Variants in AK9 observed in about 807,000 individuals in gnomAD.
AK9 encodes adenylate kinase domain containing 1.
In AK9, 191 loss-of-function variants were observed where a neutral mutation model predicts 239.6. The ratio of observed to expected loss-of-function variants is 0.80; its 90% CI spans 0.71 to 0.90. AK9 has a LOEUF of 0.90. AK9 is among the 40% of genes least tolerant of loss of function. The probability of loss-of-function intolerance (pLI) is 0.00; values close to 1 mark genes in which losing one functional copy is unlikely to be tolerated. For synonymous variants in AK9, 689 were observed against 721.0 expected (o/e 0.96, Z 0.71); for missense variants, 1,995 against 2,214.7 (o/e 0.90, Z 1.99).
At chr6:109,646,719 A>C (rs539930760) in intron 8 of AK9, among the ~76,000 whole-genome samples, 1 of 152,282 alleles carries the variant, frequency 6.6e-6, no homozygotes, top group East Asian at 1.9e-4. Context: ...CCAACATTCA[A>C]ATTCAGGAAA....
At chr6:109,505,305 C>T (rs7766769) in intron 35 of AK9, among the ~76,000 whole-genome samples, 4,426 of 152,252 alleles carry the variant, frequency 0.029, 201 homozygotes, top group African/African-American at 0.1. Flanking sequence ...TGAAGTTAAA[C>T]ACAATCATTA....
chr6:109,587,177 C>A (rs1789612436), intron 17 of AK9, among the ~76,000 whole-genome samples: 1 of 151,974 alleles, frequency 6.6e-6, no homozygotes, highest in African/African-American at 2.4e-5. Flanking sequence ...AAATGTTTAA[C>A]ATAAGAGAAT....
At chr6:109,579,940 A>T (rs1173112357) in intron 19 of AK9, among the ~76,000 whole-genome samples, 3 of 152,208 alleles carry the variant, frequency 2.0e-5, no homozygotes, top group African/African-American at 7.2e-5. Flanking sequence ...CTCTGATTTA[A>T]TGGTAAATGT....
At chr6:109,564,711 G>T in intron 22 of AK9, 45 bp downstream of exon 22, 1 of 1,422,930 alleles carries the variant, frequency 7.0e-7, no homozygotes, top group Non-Finnish European at 9.5e-7. Context: ...AAGAAAATAT[G>T]AAAAGTACTT....
Position 109,563,633 on chromosome 6 carries a change from C to T in AK9, c.2715G>A (p.Glu905=), listed in dbSNP as rs1786062544. Residue 905 remains glutamate (E), a synonymous_variant, in exon 24 of 41, where the codon GAG becomes GAA. Coordinates refer to ENST00000424296, the MANE Select transcript of AK9 (RefSeq NM_001145128.3). ...CCTCTTCCTCTAGCTCCTCATCAAC[C>T]TCTGCTTCAGTCTGGTAGTCTTCTG... is the stretch of plus-strand genomic sequence containing the variant. ...EETEDYQTEA[E]VDEELEEEEE... is the part of the protein sequence containing the mutation. 2.6e-6 allele frequency: 4 copies of T among 1,551,250 alleles called. No individual in the cohort carries two copies. Among genetic ancestry groups the T allele is most frequent in the Non-Finnish European group, 3.5e-6 (4 of 1,146,540 alleles).
At chr6:109,575,139 G>A (rs917674647) in intron 20 of AK9, among the ~76,000 whole-genome samples, 4 of 151,838 alleles carry the variant, frequency 2.6e-5, no homozygotes, top group Non-Finnish European at 5.9e-5. Flanking sequence ...TGCTATAAAC[G>A]TGTGTGTGCA....
intron 9 of AK9, among the ~76,000 whole-genome samples, chr6:109,642,524 G>A (rs1456692230): frequency 6.6e-6 from 1 of 152,164 alleles, no homozygotes; most frequent in Non-Finnish European, 1.5e-5. Context: ...GAAGTGCAGA[G>A]TACCAGTTCC....
At position 109,493,352 on chromosome 6, in the gene AK9, G is replaced by A; in HGVS notation, c.*17C>T. Reference sequence around the variant, plus strand: ...TCAGATAACTCTTGAGATTCAGGCTGCTATCACCTAAGTAAACTACCCATT... The same window carrying A: ...TCAGATAACTCTTGAGATTCAGGCTACTATCACCTAAGTAAACTACCCATT... On this transcript the variant is annotated 3_prime_UTR_variant, in exon 41 of 41. Transcript: ENST00000424296. 5.6e-6 allele frequency: 9 copies of A among 1,601,742 alleles called. No homozygotes were observed. Among genetic ancestry groups the A allele is most frequent in the Middle Eastern group, 1.7e-4 (1 of 6,038 alleles).
In AK9 at chr6:109,650,472, A is replaced by T. The variant is rs528137923; in HGVS notation, c.760-5784T>A. ...AGACATTTCTGCAGCCAACAGACAC[A>T]TGAAAAAATGATCATCATCACTGGC... On this transcript the variant is annotated intron_variant, in intron 8 of 40. Transcript: ENST00000424296. 1.2e-4 allele frequency among the ~76,000 whole-genome samples: 18 copies of T among 152,184 alleles called. No homozygotes were observed. In the East Asian group the frequency reaches 3.5e-3, roughly 29 times the overall value.
At chr6:109,497,405 T>A (rs1777186129) in intron 38 of AK9, 60 bp downstream of exon 38, 2 of 978,830 alleles carry the variant, frequency 2.0e-6, no homozygotes, top group African/African-American at 1.7e-5. Context: ...TCTCCCCCGT[T>A]CCCAGCATGT....
chr6:109,523,638 A>G (rs1780110259), intron 29 of AK9, among the ~76,000 whole-genome samples: 1 of 152,130 alleles, frequency 6.6e-6, no homozygotes, highest in Admixed American at 6.6e-5. Context: ...AAACTTTGGT[A>G]GAAAGCCAAC....
intron 40 of AK9, 73 bp from the exon 41 acceptor site, chr6:109,493,644 G>T: frequency 7.9e-7 from 1 of 1,271,950 alleles, no homozygotes; most frequent in Non-Finnish European, 1.1e-6. Flanking sequence ...AGACCTGGAT[G>T]TGTGGTTGAG....
intron 10 of AK9, among the ~76,000 whole-genome samples, chr6:109,637,942 A>T (rs1309207469): frequency 6.6e-6 from 1 of 152,162 alleles, no homozygotes; most frequent in African/African-American, 2.4e-5. Context: ...GTCTGGTTCA[A>T]TCAGTCTGGG....
chr6:109,534,714 G>T (rs999974362), intron 27 of AK9, among the ~76,000 whole-genome samples: 1 of 151,846 alleles, frequency 6.6e-6, no homozygotes, highest in East Asian at 1.9e-4. Flanking sequence ...CCATTAACTC[G>T]TCATTTACAT....
intron 40 of AK9, 38 bp downstream of exon 40, chr6:109,493,943 A>T (rs750297547): frequency 1.4e-6 from 2 of 1,444,238 alleles, no homozygotes; most frequent in South Asian, 2.4e-5. Flanking sequence ...ATTAATGTTA[A>T]ATTTGTTCTG....
In AK9 at chr6:109,671,957, A is replaced by G. The variant is rs1455135944; in HGVS notation, c.293T>C (p.Met98Thr). The G allele has an allele frequency of 3.1e-6, 5 of 1,614,040 alleles. No homozygotes were observed. Among genetic ancestry groups the G allele is most frequent in the Non-Finnish European group, 4.2e-6 (5 of 1,179,948 alleles). The change falls in exon 5 of 41, where the codon ATG becomes ACG. Residue 98 changes from methionine to threonine, a missense_variant. Met to Thr is a moderately conservative substitution (Grantham distance 81). This residue lies in a region of AK9 where 252 missense variants were observed against 246.4 expected (regional missense o/e 1.02). Coordinates refer to ENST00000424296, the MANE Select transcript of AK9 (RefSeq NM_001145128.3). Reference sequence around the variant, plus strand: ...TTCTGGGGAGTTGAGCTTCTCCAACATTAGCTTTATGACAAGTTCATCTGG... The same window carrying G: ...TTCTGGGGAGTTGAGCTTCTCCAACGTTAGCTTTATGACAAGTTCATCTGG... ...SIPDELVIKL[M>T]LEKLNSPEVC... is the part of the protein sequence containing the mutation.
In AK9 at chr6:109,564,250, TAA is replaced by T; in HGVS notation, c.2463_2464del (p.Tyr822SerfsTer2). ...TGGCTCCATTTCGGGAACATCAGGA[TAA>T]GAGTCTTCTGGAAACTCAGGTAGTA... On this transcript the variant is annotated frameshift_variant, in exon 23 of 41. Transcript: ENST00000424296. LOFTEE classifies it high-confidence loss of function. 1 of 1,550,922 alleles carries T rather than the reference TAA, an allele frequency of 6.4e-7. No individual in the cohort carries two copies. The highest frequency in any genetic ancestry group is 8.7e-7 in the Non-Finnish European group (1 of 1,146,750).
rs372298540 is a variant in AK9, at chr6:109,567,228, CA to C, written c.2345-2384del. ...ATAGAGAAGAATTAAATAGATGCAACAAAAAATGATAAAGGGGATATCACCA... is the reference window on the plus strand; with the variant it reads ...ATAGAGAAGAATTAAATAGATGCAACAAAAATGATAAAGGGGATATCACCA... On this transcript the variant is annotated intron_variant, in intron 21 of 40. Transcript: ENST00000424296. Among the ~76,000 whole-genome samples the C allele has an allele frequency of 5.5e-4, 83 of 151,810 alleles. 1 individual carries two copies. The East Asian group carries it at 0.016, about 28-fold the overall frequency.
chr6:109,552,757 T>C (rs1784517392), intron 24 of AK9, among the ~76,000 whole-genome samples: 1 of 152,354 alleles, frequency 6.6e-6, no homozygotes, highest in South Asian at 2.1e-4. Context: ...CTTTTGGCAT[T>C]TTTGTCATGA....
Sources: gnomAD v4.1 joint callset for allele counts (sites outside exome capture counted in the v4.1 genomes callset) on GRCh38, gnomAD v4.1.1 for gene constraint, gnomAD v4.1.1 regional missense constraint, MANE v1.5 for transcripts, NCBI Gene and HGNC (gene_info 2026-07-23, HGNC 2026-07-21) for gene names.